Variants in WDR44 observed in about 807,000 individuals in gnomAD.
WDR44 encodes WD repeat-containing protein 44.
WDR44 carries 9 observed loss-of-function variants against 65.7 expected under a neutral mutation model. That is an observed-to-expected ratio of 0.14 (90% CI 0.08 to 0.24). The LOEUF is 0.24. Ranked by LOEUF, WDR44 falls within the 10% of genes least tolerant of loss-of-function variation. The pLI is 1.00. For synonymous variants in WDR44, 220 were observed against 235.2 expected (o/e 0.94, Z 0.59); for missense variants, 425 against 670.9 (o/e 0.63, Z 4.05).
At chrX:118,360,915 C>T (rs2056505764) in intron 1 of WDR44, among the ~76,000 whole-genome samples, 1 of 111,683 alleles carries the variant, frequency 9.0e-6, no homozygotes, top group Non-Finnish European at 1.9e-5. Flanking sequence ...TCCCTCCTTC[C>T]ATGTCATTGC....
At chrX:118,420,493 T>A (rs1004798628) in intron 12 of WDR44, among the ~76,000 whole-genome samples, 2 of 111,290 alleles carry the variant, frequency 1.8e-5, no homozygotes, top group Non-Finnish European at 3.8e-5. Context: ...CCTCAAGTGA[T>A]CCTCCCACCT....
At position 118,449,657 on chromosome X, in the gene WDR44, T is replaced by A. The variant is rs1003668214; in HGVS notation, c.*670T>A. On this transcript the variant is annotated 3_prime_UTR_variant, in exon 20 of 20. Transcript: ENST00000254029. ...CTATGTAAAGAATTATTTTCATTCT[T>A]TATCCATGAGCACCAGGCTTTGCTC... 2 of 111,181 alleles carry A rather than the reference T, an allele frequency of 1.8e-5. No homozygotes were observed. Among genetic ancestry groups the A allele is most frequent in the Admixed American group, 1.9e-4 (2 of 10,298 alleles). 9.2% of individuals were successfully genotyped at this position (111,181 alleles called of 1,213,427 possible).
intron 1 of WDR44, among the ~76,000 whole-genome samples, chrX:118,372,287 T>C (rs1486532699): frequency 9.0e-6 from 1 of 111,575 alleles, no homozygotes; most frequent in Admixed American, 9.5e-5. Context: ...TGCTAGTTAG[T>C]GGGAGAGCTA....
chrX:118,400,234 G>A (rs1237482463), intron 8 of WDR44, among the ~76,000 whole-genome samples: 1 of 111,269 alleles, frequency 9.0e-6, no homozygotes, highest in Non-Finnish European at 1.9e-5. Flanking sequence ...CTGATGGCCA[G>A]AGAAGATTGG....
chrX:118,346,412 G>A lies in WDR44; in HGVS notation c.-92G>A. Reference sequence around the variant, plus strand: ...GCCTCGCCCGAGACCCACTTCCCCAGTCTCGCCCGGGTGGAGGTCGACGAG... The same window carrying A: ...GCCTCGCCCGAGACCCACTTCCCCAATCTCGCCCGGGTGGAGGTCGACGAG... On this transcript the variant is annotated 5_prime_UTR_variant, in exon 1 of 20. Coordinates refer to ENST00000254029, the MANE Select transcript of WDR44 (RefSeq NM_019045.5). 1.2e-6 allele frequency: 1 copy of A among 808,210 alleles called. No individual in the cohort carries two copies. Among genetic ancestry groups the A allele is most frequent in the Non-Finnish European group, 1.9e-6 (1 of 535,537 alleles). The allele number at this position is 808,210 out of a possible 1,213,427, so 66.6% of individuals were successfully genotyped here.
At chrX:118,412,127 AT>A (rs1168902206) in intron 12 of WDR44, among the ~76,000 whole-genome samples, 1 of 111,931 alleles carries the variant, frequency 8.9e-6, no homozygotes, top group Non-Finnish European at 1.9e-5. Flanking sequence ...TTGAGCTAGG[AT>A]TTAGCTATAT....
At chrX:118,378,736 T>TGTGTGTGTG (rs1569362857) in intron 2 of WDR44, among the ~76,000 whole-genome samples, 94 of 61,037 alleles carry the variant, frequency 1.5e-3, no homozygotes, top group African/African-American at 0.013. Context: ...GTGTGTGTGT[T>TGTGTGTGTG]GAAAAAGTGA....
chrX:118,384,079 T>C (rs761034021), intron 2 of WDR44, among the ~76,000 whole-genome samples: 80 of 108,860 alleles, frequency 7.3e-4, no homozygotes, highest in African/African-American at 1.9e-3. Context: ...GGTCTCACTG[T>C]GTTGCCCAGG....
At chrX:118,411,921 A>C (rs959832963) in intron 12 of WDR44, among the ~76,000 whole-genome samples, 1 of 112,313 alleles carries the variant, frequency 8.9e-6, no homozygotes. Context: ...AGTGCCTGCT[A>C]TATGTGGCAG....
At chrX:118,403,236 G>T (rs955191152) in intron 8 of WDR44, among the ~76,000 whole-genome samples, 3 of 111,953 alleles carry the variant, frequency 2.7e-5, no homozygotes, top group African/African-American at 9.7e-5. Context: ...CTGAAACCAT[G>T]TAAAGTCAAA....
chrX:118,390,756 C>G (rs1057286063), intron 3 of WDR44, among the ~76,000 whole-genome samples: 1 of 112,151 alleles, frequency 8.9e-6, no homozygotes, highest in South Asian at 3.7e-4. Context: ...TCCTTTGTAT[C>G]ATCTTTCACT....
chrX:118,398,568 A>C, intron 8 of WDR44, 98 bp downstream of exon 8: 1 of 682,358 alleles, frequency 1.5e-6, no homozygotes, highest in Non-Finnish European at 2.2e-6. Flanking sequence ...TGTAGTTTTT[A>C]TGTCTACCCA....
At chrX:118,371,194 C>T (rs1026872173) in intron 1 of WDR44, among the ~76,000 whole-genome samples, 2 of 111,549 alleles carry the variant, frequency 1.8e-5, no homozygotes, top group African/African-American at 3.3e-5. Flanking sequence ...TGAAATAAAC[C>T]AGGCATAGGA....
intron 2 of WDR44, chrX:118,386,404 T>C: frequency 3.5e-6 from 1 of 283,256 alleles, no homozygotes; most frequent in African/African-American, 2.8e-5. Context: ...ACCTCCCAAA[T>C]ATATATATAT....
intron 6 of WDR44, among the ~76,000 whole-genome samples, 170 bp downstream of exon 6, chrX:118,395,514 G>C (rs958924868): frequency 1.8e-5 from 2 of 111,382 alleles, no homozygotes; most frequent in Non-Finnish European, 3.8e-5. Flanking sequence ...TAAATTTTAT[G>C]TTATGTGTAG....
intron 1 of WDR44, among the ~76,000 whole-genome samples, chrX:118,377,672 G>C (rs1418471882): frequency 9.3e-6 from 1 of 107,444 alleles, no homozygotes; most frequent in Non-Finnish European, 1.9e-5. Flanking sequence ...AAGATACTCA[G>C]ATCTCTAGGT....
chrX:118,415,755 C>T (rs1368126570), intron 12 of WDR44, among the ~76,000 whole-genome samples: 7 of 112,045 alleles, frequency 6.2e-5, no homozygotes, highest in African/African-American at 2.3e-4. Flanking sequence ...CCGCCTGCCT[C>T]GGCCTCCCAA....
chrX:118,378,744 T>C (rs1453138258), intron 2 of WDR44, among the ~76,000 whole-genome samples: 7 of 67,572 alleles, frequency 1.0e-4, no homozygotes. Flanking sequence ...GTTGAAAAAG[T>C]GATACTTGGC....
chrX:118,370,599 T>C (rs757111587), intron 1 of WDR44, among the ~76,000 whole-genome samples: 11 of 110,285 alleles, frequency 1.0e-4, no homozygotes, highest in Non-Finnish European at 1.7e-4. Context: ...CTCTTTTTTT[T>C]TTTTAGACAG....
Sources: gnomAD v4.1 joint callset for allele counts (sites outside exome capture counted in the v4.1 genomes callset) on GRCh38, gnomAD v4.1.1 for gene constraint, MANE v1.5 for transcripts, NCBI Gene and HGNC (gene_info 2026-07-23, HGNC 2026-07-21) for gene names.